The following SEC24A variants were observed in gnomAD, a reference collection of about 807,000 sequenced individuals.
SEC24A encodes protein transport protein Sec24A.
Under a neutral mutation model 129.4 loss-of-function variants are expected in SEC24A, and 93 were observed. That is an observed-to-expected ratio of 0.72 (90% CI 0.61 to 0.85). The LOEUF (loss-of-function observed/expected upper bound fraction) is 0.85. Among genes scored for constraint, SEC24A ranks in the 40% least tolerant of loss-of-function variants. The probability of loss-of-function intolerance (pLI) is 0.00; values close to 1 mark genes in which losing one functional copy is unlikely to be tolerated. For synonymous variants in SEC24A, 460 were observed against 467.3 expected (o/e 0.98, Z 0.20); for missense variants, 1,264 against 1,307.4 (o/e 0.97, Z 0.51).
intron 8 of SEC24A, among the ~76,000 whole-genome samples, chr5:134,680,823 G>A (rs1447113625): frequency 6.6e-6 from 1 of 152,114 alleles, no homozygotes; most frequent in Non-Finnish European, 1.5e-5. Flanking sequence ...TTATTGGATG[G>A]GCACGGTGGC....
chr5:134,704,630 GTC>G, intron 16 of SEC24A, among the ~76,000 whole-genome samples: 1 of 151,998 alleles, frequency 6.6e-6, no homozygotes, highest in Middle Eastern at 3.4e-3. Flanking sequence ...GTGAGACACT[GTC>G]TCTAAAAAAA....
At chr5:134,688,671 A>T (rs910198912) in intron 11 of SEC24A, among the ~76,000 whole-genome samples, 11 of 151,344 alleles carry the variant, frequency 7.3e-5, no homozygotes, top group South Asian at 2.1e-4. Flanking sequence ...AATTGATTTT[A>T]TTTATTTATT....
At chr5:134,705,025 A>G (rs1485888150) in intron 16 of SEC24A, among the ~76,000 whole-genome samples, 6 of 149,060 alleles carry the variant, frequency 4.0e-5, no homozygotes, top group Non-Finnish European at 8.9e-5. Flanking sequence ...CTATGTAACT[A>G]TACTACCTGG....
chr5:134,649,116 G>A lies in SEC24A; in HGVS notation c.40G>A (p.Ala14Thr), dbSNP rs765851094. Residue 14 changes from alanine to threonine, a missense_variant, in exon 1 of 23, where the codon GCC becomes ACC. Coordinates refer to ENST00000398844, the MANE Select transcript of SEC24A (RefSeq NM_021982.3). Reference protein sequence around the residue: ...PGIPASGGAPASLQAQNGAAL... With the variant: ...PGIPASGGAPTSLQAQNGAAL... Reference sequence around the variant, plus strand: ...AATACCGGCCTCCGGCGGCGCCCCAGCCAGCCTCCAGGCCCAGAACGGAGC... The same window carrying A: ...AATACCGGCCTCCGGCGGCGCCCCAACCAGCCTCCAGGCCCAGAACGGAGC... 8 of 1,610,102 alleles carry A rather than the reference G, an allele frequency of 5.0e-6. No individual in the cohort carries two copies. The highest frequency in any genetic ancestry group is 1.6e-4 in the Middle Eastern group (1 of 6,068).
chr5:134,675,785 C>A (rs1751038467), intron 6 of SEC24A, among the ~76,000 whole-genome samples: 1 of 152,252 alleles, frequency 6.6e-6, no homozygotes, highest in Middle Eastern at 3.4e-3. Context: ...ATAGTTTAGA[C>A]TGTTTTACAC....
In SEC24A at chr5:134,723,635, G is replaced by C. The variant is rs1285933283; in HGVS notation, c.3132G>C (p.Glu1044Asp). Residue 1044 changes from glutamate to aspartate, a missense_variant, in exon 22 of 23, where the codon GAG becomes GAC. Physicochemically the swap from Glu to Asp is conservative, Grantham distance 45. Transcript: ENST00000398844. ...RIIAFISWLR[E>D]QRPFFPILYV... ...TAGCTTTCATCTCTTGGCTTAGAGA[G>C]CAGAGACCATTTTTCCCAATACTTT... The C allele has an allele frequency of 1.2e-6, 2 of 1,611,362 alleles. No individual in the cohort carries two copies. Among genetic ancestry groups the C allele is most frequent in the Admixed American group, 3.3e-5 (2 of 59,972 alleles).
At chr5:134,655,773 G>A (rs1750223864) in intron 1 of SEC24A, among the ~76,000 whole-genome samples, 1 of 152,082 alleles carries the variant, frequency 6.6e-6, no homozygotes, top group African/African-American at 2.4e-5. Flanking sequence ...ACCTTTGGCT[G>A]TTATTTTGTT....
chr5:134,655,321 T>C (rs1750202756), intron 1 of SEC24A, among the ~76,000 whole-genome samples: 2 of 152,222 alleles, frequency 1.3e-5, no homozygotes, highest in South Asian at 4.1e-4. Flanking sequence ...CTTTCTAATT[T>C]AGCTTCTTTA....
intron 1 of SEC24A, 60 bp downstream of exon 1, chr5:134,649,233 A>G (rs988489220): frequency 2.4e-6 from 3 of 1,259,090 alleles, no homozygotes; most frequent in Non-Finnish European, 2.2e-6. Context: ...TTTGCGTGCC[A>G]CTGCTGCTTG....
At chr5:134,662,219 A>G (rs552830730) in intron 2 of SEC24A, among the ~76,000 whole-genome samples, 5 of 151,656 alleles carry the variant, frequency 3.3e-5, no homozygotes, top group South Asian at 2.1e-4. Context: ...CAGTGGCGTG[A>G]TCTTGGCTCA....
At position 134,708,851 on chromosome 5, in the gene SEC24A, G is replaced by A. The variant is rs766788767; in HGVS notation, c.2690G>A (p.Arg897Gln). The A allele has an allele frequency of 9.9e-6, 16 of 1,613,400 alleles. No individual in the cohort carries two copies. Among genetic ancestry groups the A allele is most frequent in the Middle Eastern group, 1.7e-4 (1 of 6,058 alleles). ...GGACTCATGGTTCCTTTTTCTTTGC[G>A]GCTTTTCCCACTTTTTGTGTTGGCT... Reference protein sequence around the residue: ...QPGLMVPFSLRLFPLFVLALL... With the variant: ...QPGLMVPFSLQLFPLFVLALL... Residue 897 changes from arginine (R) to glutamine (Q), a missense_variant, in exon 18 of 23, where the codon CGG becomes CAG. Physicochemically the swap from Arg to Gln is conservative, Grantham distance 43. Coordinates refer to ENST00000398844, the MANE Select transcript of SEC24A (RefSeq NM_021982.3).
chr5:134,664,809 T>TC (rs1189885657), intron 2 of SEC24A, among the ~76,000 whole-genome samples: 1 of 138,312 alleles, frequency 7.2e-6, no homozygotes, highest in East Asian at 2.0e-4. Context: ...TTTTTTTTTT[T>TC]TTTTTTTGAG....
chr5:134,682,432 C>T lies in SEC24A; in HGVS notation c.1441C>T (p.Pro481Ser), dbSNP rs778210523. ...TRVYGEPHRR[P>S]EVQNATIEFM... ...AGTTTATGGAGAACCTCACAGAAGA[C>T]CAGAAGTTCAAAATGCTACTATTGA... The change falls in exon 9 of 23, where the codon CCA becomes TCA. Residue 481 changes from proline (P) to serine (S), a missense_variant. Physicochemically the swap from Pro to Ser is moderately conservative, Grantham distance 74 (BLOSUM62 -1). Transcript: ENST00000398844. The T allele has an allele frequency of 6.2e-7, 1 of 1,609,884 alleles. No homozygotes were observed. Among genetic ancestry groups the T allele is most frequent in the East Asian group, 2.2e-5 (1 of 44,798 alleles).
rs1751058540 is a variant in SEC24A, at chr5:134,676,267, G to A, written c.1254+142G>A. ...TGATTTTCCTGCCTCAGCCTCCCTAGTAGCTGGGATTACAGGTGCCTGCCA... is the reference window on the plus strand; with the variant it reads ...TGATTTTCCTGCCTCAGCCTCCCTAATAGCTGGGATTACAGGTGCCTGCCA... On this transcript the variant is annotated intron_variant, in intron 7 of 22. Coordinates refer to ENST00000398844, the MANE Select transcript of SEC24A (RefSeq NM_021982.3). 3.6e-6 allele frequency: 2 copies of A among 561,956 alleles called. 1 individual carries two copies. Among genetic ancestry groups the A allele is most frequent in the Non-Finnish European group, 6.1e-6 (2 of 328,774 alleles). 34.8% of individuals were successfully genotyped at this position (561,956 alleles called of 1,614,324 possible). A position where few individuals can be genotyped will look rare whatever the true frequency, so the allele number is the denominator to read the frequency against.
intron 4 of SEC24A, among the ~76,000 whole-genome samples, chr5:134,672,614 C>T (rs901715645): frequency 3.9e-5 from 6 of 152,166 alleles, no homozygotes; most frequent in Non-Finnish European, 8.8e-5. Flanking sequence ...TAGGCATGTG[C>T]CATAACATCT....
Position 134,686,529 on chromosome 5 carries a change from G to A in SEC24A, c.1492-261G>A, listed in dbSNP as rs760884224. On this transcript the variant is annotated intron_variant, in intron 9 of 22. Coordinates refer to ENST00000398844, the MANE Select transcript of SEC24A (RefSeq NM_021982.3). ...TGGGATTACAGGCATGAGCCACCAC[G>A]CCCAGCCACAGGCCCTTCTGATTAC... Among the ~76,000 whole-genome samples the A allele has an allele frequency of 6.6e-5, 10 of 152,202 alleles. No homozygotes were observed. In the South Asian group the frequency reaches 1.2e-3, roughly 19 times the overall value.
intron 12 of SEC24A, 82 bp from the exon 13 acceptor site, chr5:134,693,645 T>G (rs1434673423): frequency 6.6e-7 from 1 of 1,524,262 alleles, no homozygotes; most frequent in Non-Finnish European, 8.8e-7. Context: ...ACTCAATGTC[T>G]TGTCTATTGT....
At chr5:134,699,936 G>A (rs1378069149) in intron 15 of SEC24A, among the ~76,000 whole-genome samples, 1 of 151,720 alleles carries the variant, frequency 6.6e-6, no homozygotes, top group Non-Finnish European at 1.5e-5. Context: ...CCTGACCTCA[G>A]GTGATCCGCC....
rs939942053 is a variant in SEC24A, at chr5:134,649,189, G to C, written c.97+16G>C. ...TACACCAACGGTGAGTGCTGTCCGGGGGGAGGGCGCAGCCTGGCCAGGGCT... is the reference window on the plus strand; with the variant it reads ...TACACCAACGGTGAGTGCTGTCCGGCGGGAGGGCGCAGCCTGGCCAGGGCT... On this transcript the variant is annotated intron_variant, in intron 1 of 22. Coordinates refer to ENST00000398844, the MANE Select transcript of SEC24A (RefSeq NM_021982.3). The C allele has an allele frequency of 6.3e-7, 1 of 1,579,372 alleles. No homozygotes were observed. Among genetic ancestry groups the C allele is most frequent in the Non-Finnish European group, 8.6e-7 (1 of 1,157,382 alleles).
Sources: gnomAD v4.1 joint callset for allele counts (sites outside exome capture counted in the v4.1 genomes callset) on GRCh38, gnomAD v4.1.1 for gene constraint, MANE v1.5 for transcripts, NCBI Gene and HGNC (gene_info 2026-07-23, HGNC 2026-07-21) for gene names.